GTPBP10: variants seen among roughly 807,000 people sequenced by gnomAD.
GTPBP10 encodes GTP binding protein 10.
Under a neutral mutation model 44.8 loss-of-function variants are expected in GTPBP10, and 38 were observed. The observed-to-expected ratio is 0.85, with a 90% confidence interval of 0.65 to 1.11. The LOEUF (loss-of-function observed/expected upper bound fraction) is 1.11. GTPBP10 is among the 50% of genes most tolerant of loss of function. The pLI, the probability that GTPBP10 is intolerant of heterozygous loss-of-function variation, is 0.00. For synonymous variants in GTPBP10, 152 were observed against 150.6 expected, an observed-to-expected ratio of 1.01 and a Z score of -0.07; for missense variants, 462 against 453.7, an observed-to-expected ratio of 1.02 and a Z score of -0.17.
intron 4 of GTPBP10, among the ~76,000 whole-genome samples, chr7:90,362,567 T>A (rs1413189663): frequency 6.6e-6 from 1 of 152,200 alleles, no homozygotes; most frequent in Non-Finnish European, 1.5e-5. Context: ...GTGGTCAATT[T>A]TGGATTAAGT....
intron 1 of GTPBP10, chr7:90,347,634 C>G (rs1285173037): frequency 1.3e-5 from 3 of 223,076 alleles, no homozygotes; most frequent in Admixed American, 6.5e-5. Flanking sequence ...AGTCCTTTAC[C>G]TACAAGAAGT....
chr7:90,363,540 C>T lies in GTPBP10; in HGVS notation c.464+8310C>T, dbSNP rs183119496. 6.6e-5 allele frequency among the ~76,000 whole-genome samples: 10 copies of T among 152,250 alleles called. No homozygotes were observed. In the South Asian group the frequency reaches 1.2e-3, roughly 19 times the overall value. ...GATGAGCTTCCCTTTGTGGGTAACCCGACCTTTCTCTCTGGCTGCCCTTAA... is the reference window on the plus strand; with the variant it reads ...GATGAGCTTCCCTTTGTGGGTAACCTGACCTTTCTCTCTGGCTGCCCTTAA... On this transcript the variant is annotated intron_variant, in intron 4 of 9. Coordinates refer to ENST00000222511, the MANE Select transcript of GTPBP10 (RefSeq NM_033107.4).
chr7:90,373,298 G>T (rs576422876), intron 5 of GTPBP10, among the ~76,000 whole-genome samples: 24 of 152,260 alleles, frequency 1.6e-4, no homozygotes, highest in African/African-American at 5.8e-4. Context: ...AGAGATCTCG[G>T]CCTGTAATGT....
rs117976019 is a variant in GTPBP10 at position 90,349,644 on chromosome 7, C to T, written c.33+2870C>T. On this transcript the variant is annotated intron_variant, in intron 1 of 9. Coordinates refer to ENST00000222511, the MANE Select transcript of GTPBP10 (RefSeq NM_033107.4). ...TTATAGATAAGGACAGTCCTGATTA[C>T]AAACACAACTGCATTTGCACAATAC... Among the ~76,000 whole-genome samples the T allele has an allele frequency of 1.9e-3, 291 of 152,340 alleles. 2 individuals carry two copies. The highest frequency in any genetic ancestry group is 3.0e-3 in the Non-Finnish European group (207 of 68,030).
chr7:90,362,259 T>C (rs998970602), intron 4 of GTPBP10, among the ~76,000 whole-genome samples: 1 of 152,196 alleles, frequency 6.6e-6, no homozygotes, highest in African/African-American at 2.4e-5. Flanking sequence ...TGCTTTCTCT[T>C]GTGGGCATTT....
intron 8 of GTPBP10, among the ~76,000 whole-genome samples, chr7:90,381,707 T>C (rs1796438700): frequency 6.6e-6 from 1 of 152,170 alleles, no homozygotes; most frequent in South Asian, 2.1e-4. Flanking sequence ...GGTACTGGCA[T>C]AACAGTAGAC....
Position 90,346,723 on chromosome 7 carries a change from T to C in GTPBP10, c.-19T>C. 1 of 1,614,230 alleles carries C rather than the reference T, an allele frequency of 6.2e-7. No homozygotes were observed. The highest frequency in any genetic ancestry group is 2.2e-5 in the East Asian group (1 of 44,884). On this transcript the variant is annotated 5_prime_UTR_variant, in exon 1 of 10. Transcript: ENST00000222511. ...GCTTGTGCCGCTTCCGCAAGAAGGT[T>C]TCCTGGCCTGTTGCAGCCATGGTGC...
At chr7:90,356,362 T>G (rs191951913) in intron 4 of GTPBP10, among the ~76,000 whole-genome samples, 7 of 152,212 alleles carry the variant, frequency 4.6e-5, no homozygotes, top group Non-Finnish European at 8.8e-5. Context: ...TAATCCTCTA[T>G]ATTTTTAGGA....
intron 4 of GTPBP10, among the ~76,000 whole-genome samples, chr7:90,358,815 C>T (rs1214626734): frequency 6.6e-6 from 1 of 152,018 alleles, no homozygotes; most frequent in East Asian, 1.9e-4. Context: ...GAGTAAACAG[C>T]CTACAGAATG....
At chr7:90,384,806 C>A (rs1796493719) in intron 9 of GTPBP10, 86 bp from the exon 10 acceptor site, 2 of 1,366,264 alleles carry the variant, frequency 1.5e-6, no homozygotes, top group Non-Finnish European at 2.0e-6. Flanking sequence ...TGTTGGTTCC[C>A]TGCTTCACAA....
At chr7:90,375,274 G>A (rs1034274257) in intron 6 of GTPBP10, among the ~76,000 whole-genome samples, 1 of 151,926 alleles carries the variant, frequency 6.6e-6, no homozygotes, top group Non-Finnish European at 1.5e-5. Context: ...AACTTTTAGG[G>A]TACACTATAA....
At chr7:90,364,684 C>T (rs1331791419) in intron 4 of GTPBP10, among the ~76,000 whole-genome samples, 1 of 152,192 alleles carries the variant, frequency 6.6e-6, no homozygotes, top group Admixed American at 6.5e-5. Context: ...TTTAAGTCTG[C>T]AGAGATTTCT....
chr7:90,384,316 T>C (rs895439324), intron 9 of GTPBP10, among the ~76,000 whole-genome samples: 7 of 152,164 alleles, frequency 4.6e-5, no homozygotes, highest in African/African-American at 1.4e-4. Flanking sequence ...CCAATCAGTA[T>C]GCCATGGTGA....
At chr7:90,352,657 G>A (rs983262534) in intron 1 of GTPBP10, among the ~76,000 whole-genome samples, 159 bp from the exon 2 acceptor site, 3 of 152,194 alleles carry the variant, frequency 2.0e-5, no homozygotes, top group East Asian at 3.9e-4. Flanking sequence ...GGGTCAGATC[G>A]GAGATGTGGA....
intron 9 of GTPBP10, among the ~76,000 whole-genome samples, chr7:90,383,398 CTG>C (rs2115780849): frequency 6.6e-6 from 1 of 152,328 alleles, no homozygotes; most frequent in Non-Finnish European, 1.5e-5. Flanking sequence ...CAGCATCTAC[CTG>C]TGAAGTCTTT....
In GTPBP10 at chr7:90,389,902, C is replaced by T. The variant is rs1437143166; in HGVS notation, c.*4748C>T. On this transcript the variant is annotated 3_prime_UTR_variant, in exon 10 of 10. Transcript: ENST00000222511. ...TTCAGGGCTTAAGTTATCCTCCTGC[C>T]TCATCCTCCCAAGTAGCTAGGACTA... The T allele has an allele frequency of 6.6e-6, 1 of 152,172 alleles. No individual in the cohort carries two copies. The highest frequency in any genetic ancestry group is 6.5e-5 in the Admixed American group (1 of 15,270). The allele number at this position is 152,172 out of a possible 1,614,324, so 9.4% of individuals were successfully genotyped here.
rs150172644 is a variant in GTPBP10, at chr7:90,372,200, T to C, written c.510T>C (p.His170=). ...CCTCTTTGCTAAGTTGTGTTTCTCATGCAAAACCTGCAATTGCAGATTACG... is the reference window on the plus strand; with the variant it reads ...CCTCTTTGCTAAGTTGTGTTTCTCACGCAAAACCTGCAATTGCAGATTACG... ...GKSSLLSCVS[H]AKPAIADYAF... Residue 170 remains histidine (H), a synonymous_variant, in exon 5 of 10, where the codon CAT becomes CAC. Coordinates refer to ENST00000222511, the MANE Select transcript of GTPBP10 (RefSeq NM_033107.4). 156 of 1,605,878 alleles carry C rather than the reference T, an allele frequency of 9.7e-5. No homozygotes were observed. The highest frequency in any genetic ancestry group is 7.7e-4 in the Middle Eastern group (4 of 5,182).
intron 6 of GTPBP10, among the ~76,000 whole-genome samples, chr7:90,375,435 C>T (rs975610895): frequency 5.9e-5 from 9 of 151,392 alleles, no homozygotes; most frequent in Non-Finnish European, 1.0e-4. Flanking sequence ...TGGGTGCTAA[C>T]GATGCATCAA....
chr7:90,356,299 A>C (rs1795899880), intron 4 of GTPBP10, among the ~76,000 whole-genome samples: 1 of 152,080 alleles, frequency 6.6e-6, no homozygotes, highest in Non-Finnish European at 1.5e-5. Flanking sequence ...TGCCATTTAC[A>C]TTTATTTTTT....
Sources: gnomAD v4.1 joint callset for allele counts (sites outside exome capture counted in the v4.1 genomes callset) on GRCh38, gnomAD v4.1.1 for gene constraint, MANE v1.5 for transcripts, NCBI Gene and HGNC (gene_info 2026-07-23, HGNC 2026-07-21) for gene names.